Variants in STXBP4 observed in about 807,000 individuals in gnomAD.
STXBP4 encodes the protein syntaxin-binding protein 4.
Under a neutral mutation model 76.1 loss-of-function variants are expected in STXBP4, and 55 were observed. The ratio of observed to expected loss-of-function variants is 0.72; its 90% confidence interval spans 0.58 to 0.91. STXBP4 has a LOEUF of 0.91. STXBP4 is among the 40% of genes least tolerant of loss of function. The pLI, the probability that STXBP4 is intolerant of heterozygous loss-of-function variation, is 0.00. For missense variants in STXBP4, 618 were observed against 636.9 expected, an observed-to-expected ratio of 0.97 and a Z score of 0.32; for synonymous variants, 201 against 220.2, an observed-to-expected ratio of 0.91 and a Z score of 0.77.
At chr17:55,184,323 A>T in the STXBP4 span, among the ~76,000 whole-genome samples, 1 of 152,212 alleles carries the variant, frequency 6.6e-6, no homozygotes, top group South Asian at 2.1e-4. Flanking sequence ...ATTTTTTAAA[A>T]AGTTATTATC....
intron 12 of STXBP4, among the ~76,000 whole-genome samples, chr17:55,061,913 C>T (rs1465001115): frequency 2.0e-5 from 3 of 152,026 alleles, no homozygotes; most frequent in African/African-American, 7.2e-5. Context: ...TAGTCTATTA[C>T]AGTCATGCAA....
intron 12 of STXBP4, among the ~76,000 whole-genome samples, chr17:55,051,646 C>T (rs2078860805): frequency 6.6e-6 from 1 of 151,956 alleles, no homozygotes; most frequent in African/African-American, 2.4e-5. Context: ...TAGTTCCAGC[C>T]ACTTGGGAGG....
intron 16 of STXBP4, among the ~76,000 whole-genome samples, chr17:55,122,723 C>A (rs9898411): frequency 0.05 from 7,644 of 152,200 alleles, 574 homozygotes; most frequent in African/African-American, 0.17. Context: ...AGATTGTCAA[C>A]TTACATATTG....
At chr17:55,197,468 G>A in the STXBP4 span, among the ~76,000 whole-genome samples, 1 of 152,184 alleles carries the variant, frequency 6.6e-6, no homozygotes, top group African/African-American at 2.4e-5. Context: ...GAGTGGCCAG[G>A]CGCTGTGGCT....
At chr17:55,043,105 A>G in intron 10 of STXBP4, 131 bp from the exon 11 acceptor site, 2 of 412,430 alleles carry the variant, frequency 4.8e-6, no homozygotes, top group Non-Finnish European at 8.5e-6. Flanking sequence ...TAATCAAATG[A>G]CTCCAACATA....
At chr17:55,192,985 C>T in the STXBP4 span, among the ~76,000 whole-genome samples, 5 of 152,138 alleles carry the variant, frequency 3.3e-5, no homozygotes, top group Non-Finnish European at 7.3e-5. Context: ...AAATACCATG[C>T]ACTTAACCAC....
intron 6 of STXBP4, 70 bp from the exon 7 acceptor site, chr17:55,000,738 T>C (rs899457173): frequency 1.9e-6 from 2 of 1,050,858 alleles, no homozygotes; most frequent in African/African-American, 3.2e-5. Flanking sequence ...CCATTCTTTT[T>C]ATGTTAACAT....
At chr17:55,211,805 T>TG in the STXBP4 span, among the ~76,000 whole-genome samples, 1 of 113,896 alleles carries the variant, frequency 8.8e-6, no homozygotes, top group Non-Finnish European at 1.7e-5. Context: ...TGTTGTTTTT[T>TG]TTTTTTTTTT....
At chr17:55,092,620 A>T (rs1471338860) in intron 16 of STXBP4, among the ~76,000 whole-genome samples, 1 of 152,244 alleles carries the variant, frequency 6.6e-6, no homozygotes, top group East Asian at 1.9e-4. Context: ...AGTCTCCTGC[A>T]TCACTTCAGA....
chr17:55,049,490 C>T (rs983396916), intron 12 of STXBP4, among the ~76,000 whole-genome samples: 2 of 151,606 alleles, frequency 1.3e-5, no homozygotes, highest in Non-Finnish European at 1.5e-5. Flanking sequence ...ATAAGCAAAG[C>T]GTAGCAGTCA....
At chr17:55,122,435 G>C (rs2145094252) in intron 16 of STXBP4, among the ~76,000 whole-genome samples, 1 of 152,306 alleles carries the variant, frequency 6.6e-6, no homozygotes, top group South Asian at 2.1e-4. Flanking sequence ...TCACAAGGCA[G>C]ATGAAAAGAA....
chr17:55,151,028 TG>T (rs901901737), intron 17 of STXBP4, among the ~76,000 whole-genome samples: 1 of 152,230 alleles, frequency 6.6e-6, no homozygotes, highest in Admixed American at 6.5e-5. Context: ...GTTATGTTGC[TG>T]GCTTTGAATT....
chr17:55,128,208 T>G (rs1169291436), intron 16 of STXBP4, among the ~76,000 whole-genome samples: 1 of 152,230 alleles, frequency 6.6e-6, no homozygotes, highest in African/African-American at 2.4e-5. Flanking sequence ...TGTGAGATAC[T>G]GTCCTGAATC....
intron 16 of STXBP4, among the ~76,000 whole-genome samples, chr17:55,128,320 G>A (rs1343748703): frequency 6.6e-6 from 1 of 152,196 alleles, no homozygotes; most frequent in Non-Finnish European, 1.5e-5. Flanking sequence ...CAGGTAAGGA[G>A]GGAGAGGCAC....
intron 16 of STXBP4, among the ~76,000 whole-genome samples, chr17:55,138,792 T>G (rs2080063357): frequency 6.6e-6 from 1 of 152,094 alleles, no homozygotes; most frequent in Non-Finnish European, 1.5e-5. Flanking sequence ...GAAAACTGAG[T>G]TCATCAATAA....
the STXBP4 span, among the ~76,000 whole-genome samples, chr17:55,208,609 A>AAGGAAGGAAGGAAGGAAGGAAG: frequency 0.028 from 770 of 27,716 alleles, 26 homozygotes; most frequent in African/African-American, 0.05. Context: ...AAGGAAGGAA[A>AAGGAAGGAAGGAAGGAAGGAAG]GAGAGAGGGA....
rs754206989 is a variant in STXBP4 at position 55,078,713 on chromosome 17, TCTA to T, written c.1336_1338del (p.Thr446del). Reference sequence around the variant, plus strand: ...TATTCAAGAAGTATTTTCTGATAATTCTACTCCTTTATCAAATTTAAGGTAAGA... The same window carrying T: ...TATTCAAGAAGTATTTTCTGATAATTCTCCTTTATCAAATTTAAGGTAAGA... On this transcript the variant is annotated inframe_deletion, in exon 15 of 18. Transcript: ENST00000376352. 1.3e-6 allele frequency: 2 copies of T among 1,564,226 alleles called. No individual in the cohort carries two copies. The highest frequency in any genetic ancestry group is 2.2e-5 in the South Asian group (2 of 89,104).
intron 7 of STXBP4, among the ~76,000 whole-genome samples, chr17:55,006,048 A>G (rs2078002950): frequency 6.6e-6 from 1 of 152,074 alleles, no homozygotes. Flanking sequence ...CTATGTATAT[A>G]TTATTTTTAA....
chr17:55,043,691 AT>A (rs1055295126), intron 11 of STXBP4: 65 of 1,526,368 alleles, frequency 4.3e-5, no homozygotes, highest in Admixed American at 8.0e-5. Flanking sequence ...TGGGAAATAC[AT>A]TTTTTTTCAT....
Sources: gnomAD v4.1 joint callset for allele counts (sites outside exome capture counted in the v4.1 genomes callset) on GRCh38, gnomAD v4.1.1 for gene constraint, MANE v1.5 for transcripts, NCBI Gene and HGNC (gene_info 2026-07-23, HGNC 2026-07-21) for gene names.